The following URB2 variants were observed in gnomAD, a reference collection of about 807,000 sequenced individuals.
The protein encoded by URB2 is unhealthy ribosome biogenesis protein 2 homolog.
URB2 carries 86 observed loss-of-function variants against 120.9 expected under a neutral mutation model. The observed-to-expected ratio is 0.71, with a 90% CI of 0.60 to 0.85. The LOEUF (loss-of-function observed/expected upper bound fraction) is 0.85, where lower values mean the gene tolerates loss of function less well. URB2 is among the 40% of genes least tolerant of loss of function. URB2 has a pLI of 0.00. For synonymous variants in URB2, 755 were observed against 758.4 expected (o/e 1.00, Z 0.07); for missense variants, 1,765 against 1,836.5 (o/e 0.96, Z 0.71).
chr1:229,645,739 C>T lies in URB2; in HGVS notation c.3796-120C>T. 3.6e-6 allele frequency: 3 copies of T among 839,634 alleles called. No individual in the cohort carries two copies. The East Asian group carries it at 7.3e-5, about 21-fold the overall frequency. The allele number at this position is 839,634 out of a possible 1,614,324, so 52.0% of individuals were successfully genotyped here. A position where few individuals can be genotyped will look rare whatever the true frequency, so the allele number is the denominator to read the frequency against. ...AGCAGGCCTTGTCCACCTCCCCTGA[C>T]ACCAGGGCTCTCAATCCACTCCAAC... On this transcript the variant is annotated intron_variant, in intron 5 of 9. Coordinates refer to ENST00000258243, the MANE Select transcript of URB2 (RefSeq NM_014777.4).
At chr1:229,653,948 T>G (rs1458034457) in intron 8 of URB2, among the ~76,000 whole-genome samples, 6 of 150,330 alleles carry the variant, frequency 4.0e-5, no homozygotes, top group African/African-American at 7.3e-5. Flanking sequence ...TTTTTTTTTT[T>G]TTTTTTTTTT....
chr1:229,646,589 T>A (rs1332225784), intron 6 of URB2, among the ~76,000 whole-genome samples: 3 of 152,200 alleles, frequency 2.0e-5, no homozygotes, highest in Admixed American at 2.0e-4. Flanking sequence ...TGTGTGTGTT[T>A]AAGGCCTATG....
At chr1:229,650,680 C>T (rs764571748) in intron 7 of URB2, among the ~76,000 whole-genome samples, 2 of 152,192 alleles carry the variant, frequency 1.3e-5, no homozygotes, top group Non-Finnish European at 2.9e-5. Context: ...ATCCGCCTGC[C>T]TCGGCCTCCC....
rs767145550 is a variant in URB2, at chr1:229,636,587, G to A, written c.1974G>A (p.Lys658=). The part of the protein sequence containing the change: ...LPGVKTQHWK[K]IEKFTAQFSS... ...GTGTAAAAACACAGCATTGGAAGAAGATAGAGAAGTTTACAGCTCAGTTCA... is the reference window on the plus strand; with the variant it reads ...GTGTAAAAACACAGCATTGGAAGAAAATAGAGAAGTTTACAGCTCAGTTCA... The change falls in exon 4 of 10, where the codon AAG becomes AAA. Residue 658 remains lysine, a synonymous_variant. Transcript: ENST00000258243. The A allele has an allele frequency of 1.1e-5, 18 of 1,614,056 alleles. No homozygotes were observed. Among genetic ancestry groups the A allele is most frequent in the Non-Finnish European group, 1.5e-5 (18 of 1,180,026 alleles).
intron 4 of URB2, among the ~76,000 whole-genome samples, chr1:229,641,475 G>A (rs1215566521): frequency 6.6e-6 from 1 of 152,146 alleles, no homozygotes; most frequent in Non-Finnish European, 1.5e-5. Context: ...CTGTGTCCAG[G>A]CCTCTTCCAC....
chr1:229,629,530 T>TG (rs1435939704), intron 2 of URB2, among the ~76,000 whole-genome samples: 2 of 152,228 alleles, frequency 1.3e-5, no homozygotes, highest in East Asian at 3.8e-4. Context: ...TACTATACTG[T>TG]GGTTTGTTAA....
At chr1:229,655,637 T>A (rs10495286) in intron 9 of URB2, among the ~76,000 whole-genome samples, 2 of 152,172 alleles carry the variant, frequency 1.3e-5, no homozygotes, top group East Asian at 1.9e-4. Flanking sequence ...TGTAAATCTA[T>A]GCTGTATAAA....
chr1:229,643,292 A>G (rs528734663), intron 4 of URB2, among the ~76,000 whole-genome samples: 10 of 152,372 alleles, frequency 6.6e-5, no homozygotes, highest in African/African-American at 2.4e-4. Flanking sequence ...CCTCCTAAGC[A>G]TGGCTGTCGT....
chr1:229,636,888 G>C lies in URB2; in HGVS notation c.2275G>C (p.Val759Leu), dbSNP rs773049123. 6.2e-7 allele frequency: 1 copy of C among 1,611,388 alleles called. No individual in the cohort carries two copies. The highest frequency in any genetic ancestry group is 8.5e-7 in the Non-Finnish European group (1 of 1,178,266). The change falls in exon 4 of 10, where the codon GTG (valine) becomes CTG (leucine). Residue 759 changes from valine to leucine, a missense_variant. Physicochemically the swap from Val to Leu is conservative, Grantham distance 32. Transcript: ENST00000258243. The part of the protein sequence containing the change: ...ILISYLCPDD[V>L]GYLASVLLRT... ...AATATCCTATCTGTGTCCAGATGAT[G>C]TGGGATACCTGGCCAGTGTCCTGCT...
At chr1:229,651,371 G>A (rs773514015) in intron 8 of URB2, 49 bp downstream of exon 8, 4 of 1,535,364 alleles carry the variant, frequency 2.6e-6, no homozygotes, top group Non-Finnish European at 3.5e-6. Flanking sequence ...TCATCATGAG[G>A]TGTGGCTGCT....
chr1:229,636,889 T>G lies in URB2; in HGVS notation c.2276T>G (p.Val759Gly), dbSNP rs1558165123. ...ATATCCTATCTGTGTCCAGATGATG[T>G]GGGATACCTGGCCAGTGTCCTGCTG... Reference protein sequence around the residue: ...ILISYLCPDDVGYLASVLLRT... With the variant: ...ILISYLCPDDGGYLASVLLRT... Residue 759 changes from valine to glycine, a missense_variant, in exon 4 of 10, where the codon GTG becomes GGG. Coordinates refer to ENST00000258243, the MANE Select transcript of URB2 (RefSeq NM_014777.4). 1 of 1,611,334 alleles carries G rather than the reference T, an allele frequency of 6.2e-7. No homozygotes were observed. The highest frequency in any genetic ancestry group is 2.2e-5 in the East Asian group (1 of 44,820).
rs1400127416 is a variant in URB2, at chr1:229,635,729, C to G, written c.1116C>G (p.Ile372Met). The part of the protein sequence containing the change: ...QLLNSVANNN[I>M]YNIAADRIRH... ...TAAACTCAGTGGCCAACAACAATAT[C>G]TACAACATCGCTGCCGACAGAATTC... Residue 372 changes from isoleucine (I) to methionine (M), a missense_variant, in exon 4 of 10, where the codon ATC becomes ATG. Coordinates refer to ENST00000258243, the MANE Select transcript of URB2 (RefSeq NM_014777.4). 1.2e-6 allele frequency: 2 copies of G among 1,614,106 alleles called. No individual in the cohort carries two copies. The highest frequency in any genetic ancestry group is 4.5e-5 in the East Asian group (2 of 44,904).
intron 4 of URB2, among the ~76,000 whole-genome samples, chr1:229,641,289 A>C (rs1349765802): frequency 6.6e-6 from 1 of 152,162 alleles, no homozygotes. Context: ...CTGGGATTAC[A>C]GGCATAAGCC....
chr1:229,630,261 G>C (rs1665625795), intron 2 of URB2, among the ~76,000 whole-genome samples: 1 of 152,192 alleles, frequency 6.6e-6, no homozygotes, highest in Admixed American at 6.5e-5. Context: ...TATAGCATTA[G>C]GAAATGTGTT....
chr1:229,633,881 G>T (rs936027078), intron 3 of URB2, among the ~76,000 whole-genome samples: 5 of 152,186 alleles, frequency 3.3e-5, no homozygotes, highest in African/African-American at 1.2e-4. Context: ...ACCCAGGCTG[G>T]AGTGCAGTGG....
chr1:229,657,029 A>G (rs12727551), intron 9 of URB2, among the ~76,000 whole-genome samples: 58,494 of 152,090 alleles, frequency 0.38, 12,021 homozygotes, highest in Middle Eastern at 0.48. Flanking sequence ...CCTTGACTTA[A>G]TGATGCAGTT....
Position 229,651,162 on chromosome 1 carries a change from A to G in URB2, c.4150-73A>G. On this transcript the variant is annotated intron_variant, in intron 7 of 9. Transcript: ENST00000258243. The stretch of plus-strand genomic sequence containing the variant: ...AGACTAGGCTAAGAAAGAAATAAGT[A>G]TGAGCTCCTTTAAAGTAGAAAAACT... 2.2e-6 allele frequency: 3 copies of G among 1,372,746 alleles called. No individual in the cohort carries two copies. The South Asian group carries it at 4.5e-5, about 21-fold the overall frequency. 85.0% of individuals were successfully genotyped at this position (1,372,746 alleles called of 1,614,324 possible).
In URB2 at chr1:229,636,987, T is replaced by C. The variant is rs930854380; in HGVS notation, c.2374T>C (p.Ser792Pro). ...EEAYITLEKI[S>P]KAFLHSPLFP... is the part of the protein sequence containing the mutation. ...GGCATACATCACACTGGAAAAAATA[T>C]CCAAAGCCTTCCTTCATAGCCCTCT... The change falls in exon 4 of 10, where the codon TCC becomes CCC. Residue 792 changes from serine (S) to proline (P), a missense_variant. Physicochemically the swap from Ser to Pro is moderately conservative, Grantham distance 74 (BLOSUM62 -1). Coordinates refer to ENST00000258243, the MANE Select transcript of URB2 (RefSeq NM_014777.4). 2 of 1,613,970 alleles carry C rather than the reference T, an allele frequency of 1.2e-6. No individual in the cohort carries two copies. The highest frequency in any genetic ancestry group is 1.3e-5 in the African/African-American group (1 of 74,942).
At chr1:229,645,286 G>A (rs72753723) in intron 5 of URB2, among the ~76,000 whole-genome samples, 38,311 of 144,268 alleles carry the variant, frequency 0.27, 5,497 homozygotes, top group South Asian at 0.42. Flanking sequence ...ACTCGGTCTC[G>A]AAAAAAAAAA....
Sources: gnomAD v4.1 joint callset for allele counts (sites outside exome capture counted in the v4.1 genomes callset) on GRCh38, gnomAD v4.1.1 for gene constraint, MANE v1.5 for transcripts, NCBI Gene and HGNC (gene_info 2026-07-23, HGNC 2026-07-21) for gene names.